Variants in OCIAD1 observed in about 807,000 individuals in gnomAD.
The protein encoded by OCIAD1 is OCIA domain-containing protein 1.
OCIAD1 carries 29 observed loss-of-function variants against 38.9 expected under a neutral mutation model. The observed-to-expected ratio is 0.74, with a 90% CI of 0.55 to 1.02. The LOEUF is 1.02. OCIAD1 is among the 50% of genes least tolerant of loss of function. The probability of loss-of-function intolerance (pLI) is 0.00; values close to 1 mark genes in which losing one functional copy is unlikely to be tolerated. For synonymous variants in OCIAD1, 110 were observed against 92.0 expected, an observed-to-expected ratio of 1.20 and a Z score of -1.12; for missense variants, 288 against 289.6, an observed-to-expected ratio of 0.99 and a Z score of 0.04.
At chr4:48,837,450 GCT>G (rs904209048) in intron 3 of OCIAD1, among the ~76,000 whole-genome samples, 2 of 151,410 alleles carry the variant, frequency 1.3e-5, no homozygotes, top group Non-Finnish European at 2.9e-5. Flanking sequence ...CTGCCACCAT[GCT>G]CAGCTAATTT....
chr4:48,860,325 T>G (rs1445159576), intron 8 of OCIAD1: 1 of 153,674 alleles, frequency 6.5e-6, no homozygotes, highest in African/African-American at 2.4e-5. Flanking sequence ...TTTTTTTTTT[T>G]GTATATGGCT....
intron 1 of OCIAD1, among the ~76,000 whole-genome samples, chr4:48,820,700 AAAATGATAAAGGTGAT>A (rs1352032793): frequency 6.6e-6 from 1 of 152,214 alleles, no homozygotes. Flanking sequence ...GACACAATAA[AAAATGATAAAGGTGAT>A]ATCACCACTG....
chr4:48,831,738 C>G (rs979516444), intron 1 of OCIAD1, among the ~76,000 whole-genome samples: 1 of 152,178 alleles, frequency 6.6e-6, no homozygotes, highest in African/African-American at 2.4e-5. Context: ...CTCCATCCAT[C>G]CATGAATTCA....
At chr4:48,850,215 AT>A (rs1779313696) in intron 6 of OCIAD1, 133 bp downstream of exon 6, 1 of 877,676 alleles carries the variant, frequency 1.1e-6, no homozygotes, top group African/African-American at 1.8e-5. Context: ...GCTAAAAGTA[AT>A]TTGCTTCAAA....
chr4:48,848,429 C>T lies in OCIAD1; in HGVS notation c.224C>T (p.Ser75Phe). The T allele has an allele frequency of 6.7e-7, 1 of 1,498,592 alleles. No homozygotes were observed. The highest frequency in any genetic ancestry group is 9.2e-7 in the Non-Finnish European group (1 of 1,081,728). 92.8% of individuals were successfully genotyped at this position (1,498,592 alleles called of 1,614,324 possible). A position where few individuals can be genotyped will look rare whatever the true frequency, so the allele number is the denominator to read the frequency against. Reference sequence around the variant, plus strand: ...CTTTCAAGTCATCCCAAATATGGTTCCATCCCTAAACTTATACGTAAGTAT... The same window carrying T: ...CTTTCAAGTCATCCCAAATATGGTTTCATCCCTAAACTTATACGTAAGTAT... ...GILSSHPKYG[S>F]IPKLILACIM... Residue 75 changes from serine to phenylalanine, a missense_variant, in exon 5 of 9, where the codon TCC becomes TTC. Physicochemically the swap from Ser to Phe is radical, Grantham distance 155. Coordinates refer to ENST00000264312, the MANE Select transcript of OCIAD1 (RefSeq NM_017830.4).
At chr4:48,828,068 A>G (rs530107996), upstream of OCIAD1, among the ~76,000 whole-genome samples, 228 of 152,316 alleles carry the variant, frequency 1.5e-3, 1 homozygote, top group African/African-American at 5.3e-3. Context: ...TGCACCAATC[A>G]GTGCTCTGTG....
chr4:48,841,973 G>T (rs545665158), intron 3 of OCIAD1, among the ~76,000 whole-genome samples: 1 of 152,040 alleles, frequency 6.6e-6, no homozygotes, highest in Non-Finnish European at 1.5e-5. Flanking sequence ...GTATGATTAC[G>T]GTCAAATATG....
chr4:48,823,499 C>T (rs1055115059), intron 1 of OCIAD1, among the ~76,000 whole-genome samples: 1 of 151,680 alleles, frequency 6.6e-6, no homozygotes, highest in Non-Finnish European at 1.5e-5. Context: ...CACCATGGCA[C>T]CTGTATACCT....
In OCIAD1 at chr4:48,819,576, A is replaced by G. The variant is rs145708688; in HGVS notation, c.-102-11001A>G. On this transcript the variant is annotated intron_variant, in intron 1 of 6. Transcript: ENST00000504654. Reference sequence around the variant, plus strand: ...TTAGCCTTCAGTGTAAATGGGCTAAATGCCCCAATTAAAAGACACAGACTG... The same window carrying G: ...TTAGCCTTCAGTGTAAATGGGCTAAGTGCCCCAATTAAAAGACACAGACTG... 4.2e-4 allele frequency among the ~76,000 whole-genome samples: 64 copies of G among 152,242 alleles called. No homozygotes were observed. The East Asian group carries it at 0.012, about 29-fold the overall frequency.
chr4:48,820,455 G>T (rs1392379602), intron 1 of OCIAD1, among the ~76,000 whole-genome samples: 1 of 152,060 alleles, frequency 6.6e-6, no homozygotes, highest in Non-Finnish European at 1.5e-5. Context: ...AGCTGGAAAG[G>T]TCTAAAATCA....
At chr4:48,850,144 T>C in intron 6 of OCIAD1, 62 bp downstream of exon 6, 3 of 1,539,436 alleles carry the variant, frequency 1.9e-6, no homozygotes, top group East Asian at 4.6e-5. Flanking sequence ...TAGATGTTGC[T>C]ATAACTCATG....
chr4:48,847,954 T>C (rs949076165), intron 4 of OCIAD1, among the ~76,000 whole-genome samples: 4 of 152,186 alleles, frequency 2.6e-5, no homozygotes, highest in South Asian at 2.1e-4. Flanking sequence ...TTGCCATCTT[T>C]AGAATATTGG....
Position 48,809,466 on chromosome 4 carries a change from C to G in OCIAD1, c.-103+4136C>G, listed in dbSNP as rs533377230. On this transcript the variant is annotated intron_variant, in intron 1 of 6. Transcript: ENST00000504654. ...GCTTGAACCCGGCAGGTGGAGGTTG[C>G]GGTGAGTCAAGATTGCGCCACTGCA... is the stretch of plus-strand genomic sequence containing the variant. Among the ~76,000 whole-genome samples the G allele has an allele frequency of 3.9e-5, 6 of 152,022 alleles. No homozygotes were observed. In the East Asian group the frequency reaches 1.2e-3, roughly 29 times the overall value.
At chr4:48,818,641 A>T (rs916179961) in intron 1 of OCIAD1, among the ~76,000 whole-genome samples, 1 of 152,164 alleles carries the variant, frequency 6.6e-6, no homozygotes, top group African/African-American at 2.4e-5. Flanking sequence ...CTAAAGGAGC[A>T]TGTTCCTACC....
chr4:48,819,740 A>AAAAAAAAAAG lies in OCIAD1; in HGVS notation c.-102-10833_-102-10832insAAAAAGAAAA, dbSNP rs1381189214. Reference sequence around the variant, plus strand: ...GCAAAAAAAAAAAAAAAAAAAAAAAAAAAAGGAGGGGTTGCAATCCCAGTC... The same window carrying AAAAAAAAAAG: ...GCAAAAAAAAAAAAAAAAAAAAAAAAAAAAAAAAAGAAAAGGAGGGGTTGCAATCCCAGTC... On this transcript the variant is annotated intron_variant, in intron 1 of 6. Coordinates refer to the OCIAD1 transcript ENST00000504654. Among the ~76,000 whole-genome samples the AAAAAAAAAAG allele has an allele frequency of 8.9e-5, 13 of 145,552 alleles. 1 individual carries two copies. The highest frequency in any genetic ancestry group is 1.5e-4 in the Non-Finnish European group (10 of 65,866).
chr4:48,848,753 T>C (rs1290120585), intron 5 of OCIAD1: 3 of 188,020 alleles, frequency 1.6e-5, no homozygotes, highest in Non-Finnish European at 3.2e-5. Flanking sequence ...AACAAAGTTA[T>C]GAAGATATTC....
At chr4:48,816,658 T>G (rs1242167361) in intron 1 of OCIAD1, among the ~76,000 whole-genome samples, 12 of 152,128 alleles carry the variant, frequency 7.9e-5, no homozygotes, top group Non-Finnish European at 1.0e-4. Context: ...ACTTCTTAAC[T>G]GTTTATTATT....
At chr4:48,816,233 G>A (rs1284754957) in intron 1 of OCIAD1, among the ~76,000 whole-genome samples, 1 of 152,054 alleles carries the variant, frequency 6.6e-6, no homozygotes, top group Admixed American at 6.6e-5. Context: ...TTAATATCAT[G>A]GCACACATAG....
upstream of OCIAD1, among the ~76,000 whole-genome samples, chr4:48,827,232 AAGT>A (rs1217915104): frequency 6.6e-6 from 1 of 152,258 alleles, no homozygotes; most frequent in African/African-American, 2.4e-5. Context: ...CACTGAAATG[AAGT>A]AGAAGTTCAC....
Sources: allele counts gnomAD v4.1 joint callset (sites outside exome capture counted in the v4.1 genomes callset), GRCh38; gene constraint gnomAD v4.1.1; transcripts MANE v1.5; gene names NCBI Gene and HGNC (gene_info 2026-07-23, HGNC 2026-07-21).